SAMD3: variants seen among roughly 807,000 people sequenced by gnomAD.
SAMD3 encodes sterile alpha motif domain containing 3.
Under a neutral mutation model 58.5 loss-of-function variants are expected in SAMD3, and 63 were observed. The observed-to-expected ratio is 1.08, with a 90% CI of 0.88 to 1.33. SAMD3 has a LOEUF of 1.33. Among genes scored for constraint, SAMD3 ranks in the 40% most tolerant of loss-of-function variants. SAMD3 has a pLI of 0.00. For synonymous variants in SAMD3, 220 were observed against 210.3 expected (o/e 1.05, Z -0.40); for missense variants, 604 against 608.4 (o/e 0.99, Z 0.08).
At chr6:130,158,424 G>A (rs992745101) in intron 8 of SAMD3, among the ~76,000 whole-genome samples, 5 of 151,722 alleles carry the variant, frequency 3.3e-5, no homozygotes, top group Admixed American at 1.3e-4. Flanking sequence ...ATGGCATCAC[G>A]AATCTGAGGA....
intron 1 of SAMD3, among the ~76,000 whole-genome samples, chr6:130,344,923 C>A (rs1372590341): frequency 6.6e-6 from 1 of 151,748 alleles, no homozygotes; most frequent in South Asian, 2.1e-4. Context: ...CACCTGCCCC[C>A]CTATGCCCAC....
chr6:130,294,342 C>A (rs916873539), intron 2 of SAMD3, among the ~76,000 whole-genome samples: 3 of 152,126 alleles, frequency 2.0e-5, no homozygotes, highest in African/African-American at 7.2e-5. Flanking sequence ...CTTGAATAAA[C>A]TTTTCTTCAG....
chr6:130,196,100 G>A (rs68073372), intron 5 of SAMD3, among the ~76,000 whole-genome samples: 19,661 of 152,006 alleles, frequency 0.13, 1,381 homozygotes, highest in African/African-American at 0.18. Context: ...TTACAGGACT[G>A]GGATCGCGTC....
At chr6:130,280,054 T>A (rs1184634562) in intron 2 of SAMD3, among the ~76,000 whole-genome samples, 1 of 152,170 alleles carries the variant, frequency 6.6e-6, no homozygotes, top group Non-Finnish European at 1.5e-5. Flanking sequence ...AAACTAAAAC[T>A]TTGCTTTAGG....
At chr6:130,225,139 AT>A (rs143578258), upstream of SAMD3, among the ~76,000 whole-genome samples, 6,577 of 152,276 alleles carry the variant, frequency 0.043, 460 homozygotes, top group African/African-American at 0.15. Context: ...TATGTGAATG[AT>A]TAACAAGTAA....
At chr6:130,358,253 T>A (rs1262937273) in intron 1 of SAMD3, among the ~76,000 whole-genome samples, 1 of 152,198 alleles carries the variant, frequency 6.6e-6, no homozygotes, top group Non-Finnish European at 1.5e-5. Flanking sequence ...AAGAAGCAAA[T>A]GGAAGGAAGC....
rs750844904 is a variant in SAMD3, at chr6:130,217,235, C to T, written c.-67-619G>A. ...TCTTTGAGTAGTAACTTTACAACTT[C>T]TTCTCACATAAATAATGGATATATT... On this transcript the variant is annotated intron_variant, in intron 1 of 11. Transcript: ENST00000439090. Among the ~76,000 whole-genome samples, 207 of 152,296 alleles carry T rather than the reference C, an allele frequency of 1.4e-3. 1 individual carries two copies. The highest frequency in any genetic ancestry group is 2.2e-4 in the Non-Finnish European group (15 of 68,010).
intron 1 of SAMD3, among the ~76,000 whole-genome samples, chr6:130,317,752 G>T (rs1164662099): frequency 6.6e-6 from 1 of 152,178 alleles, no homozygotes; most frequent in Non-Finnish European, 1.5e-5. Context: ...CAGTTCTCAA[G>T]ACATTGTGTG....
At chr6:130,296,711 T>G (rs977344624) in intron 2 of SAMD3, among the ~76,000 whole-genome samples, 2 of 152,072 alleles carry the variant, frequency 1.3e-5, no homozygotes, top group Non-Finnish European at 2.9e-5. Flanking sequence ...GAGGAGAGAT[T>G]GGCCATAGAG....
At chr6:130,177,647 T>C (rs953261792) in intron 7 of SAMD3, among the ~76,000 whole-genome samples, 3 of 152,230 alleles carry the variant, frequency 2.0e-5, no homozygotes, top group African/African-American at 7.2e-5. Flanking sequence ...CTTATCACAG[T>C]GGTAATCTAC....
intron 5 of SAMD3, among the ~76,000 whole-genome samples, chr6:130,204,590 C>T (rs1794914630): frequency 7.9e-6 from 1 of 127,142 alleles, no homozygotes; most frequent in African/African-American, 3.4e-5. Flanking sequence ...GAACGAGACC[C>T]TATCTCAAAA....
At chr6:130,180,953 C>CTT (rs370213784) in intron 7 of SAMD3, among the ~76,000 whole-genome samples, 2 of 117,362 alleles carry the variant, frequency 1.7e-5, no homozygotes, top group African/African-American at 3.2e-5. Context: ...TTCTTTCTTT[C>CTT]TTTTTTCTTT....
rs1393492771 is a variant in SAMD3, at chr6:130,154,911, A to G, written c.937T>C (p.Leu313=). The G allele has an allele frequency of 1.2e-6, 2 of 1,613,324 alleles. No individual in the cohort carries two copies. The highest frequency in any genetic ancestry group is 3.3e-5 in the Admixed American group (2 of 59,932). ...REIDKRMSQT[L]EIRRKMIGSR... is the part of the protein sequence containing the mutation. ...CCAATCATCTTTCTTCTTATTTCCA[A>G]AGTTTGGCTCATTCTCTTGTCAATT... Residue 313 remains leucine (L), a synonymous_variant, in exon 9 of 12, where the codon TTG becomes CTG. Coordinates refer to ENST00000439090, the MANE Select transcript of SAMD3 (RefSeq NM_001017373.4).
chr6:130,351,980 G>A (rs1005853256), intron 1 of SAMD3, among the ~76,000 whole-genome samples: 4 of 148,124 alleles, frequency 2.7e-5, no homozygotes, highest in Admixed American at 6.8e-5. Flanking sequence ...ACCAAACACC[G>A]CATTTTCTCA....
At chr6:130,320,248 A>C (rs1401798242) in intron 1 of SAMD3, among the ~76,000 whole-genome samples, 1 of 152,190 alleles carries the variant, frequency 6.6e-6, no homozygotes, top group Non-Finnish European at 1.5e-5. Flanking sequence ...GGGAAATCTG[A>C]ACAGAAGCTT....
At chr6:130,349,810 C>T (rs1411018785) in intron 1 of SAMD3, among the ~76,000 whole-genome samples, 2 of 152,068 alleles carry the variant, frequency 1.3e-5, no homozygotes, top group African/African-American at 4.8e-5. Flanking sequence ...AACATCGATG[C>T]AAAAATCCTC....
chr6:130,255,828 T>A (rs1297781043), intron 2 of SAMD3, among the ~76,000 whole-genome samples: 1 of 151,454 alleles, frequency 6.6e-6, no homozygotes, highest in Non-Finnish European at 1.5e-5. Flanking sequence ...GTTAGTCTCA[T>A]GTCGGCAACA....
chr6:130,336,714 T>C (rs1362458704), intron 1 of SAMD3, among the ~76,000 whole-genome samples: 3 of 152,202 alleles, frequency 2.0e-5, no homozygotes, highest in Non-Finnish European at 4.4e-5. Context: ...GGAAAGGTAA[T>C]TGCTTTGCTT....
upstream of SAMD3, chr6:130,365,452 A>G: frequency 1.0e-6 from 1 of 985,470 alleles, no homozygotes; most frequent in Non-Finnish European, 1.2e-6. Context: ...TAGCTCGCGC[A>G]GCGCCCGCGC....
Sources: allele counts gnomAD v4.1 joint callset (sites outside exome capture counted in the v4.1 genomes callset), GRCh38; gene constraint gnomAD v4.1.1; transcripts MANE v1.5; gene names NCBI Gene and HGNC (gene_info 2026-07-23, HGNC 2026-07-21).